CTNND2: variants seen among roughly 807,000 people sequenced by gnomAD.
The protein encoded by CTNND2 is catenin delta 2.
Under a neutral mutation model 144.4 loss-of-function variants are expected in CTNND2, and 22 were observed. The observed-to-expected ratio is 0.15, with a 90% CI of 0.11 to 0.22. The LOEUF is 0.22. Ranked by LOEUF, CTNND2 falls within the 10% of genes least tolerant of loss-of-function variation. The pLI is 1.00. For missense variants in CTNND2, 1,353 were observed against 1,618.8 expected, an observed-to-expected ratio of 0.84 and a Z score of 2.82; for synonymous variants, 751 against 695.6, an observed-to-expected ratio of 1.08 and a Z score of -1.25.
chr5:11,103,628 C>T (rs1752132117), intron 14 of CTNND2, among the ~76,000 whole-genome samples: 1 of 151,814 alleles, frequency 6.6e-6, no homozygotes, highest in African/African-American at 2.4e-5. Flanking sequence ...CAAGATGGCG[C>T]CATTGCACTC....
intron 1 of CTNND2, among the ~76,000 whole-genome samples, chr5:11,749,713 G>T (rs1367750127): frequency 6.6e-6 from 1 of 151,926 alleles, no homozygotes; most frequent in East Asian, 1.9e-4. Flanking sequence ...TATTGCTGAA[G>T]TTTAGGTTGA....
intron 8 of CTNND2, among the ~76,000 whole-genome samples, chr5:11,352,765 T>G (rs1328448292): frequency 6.6e-6 from 1 of 152,180 alleles, no homozygotes; most frequent in Non-Finnish European, 1.5e-5. Flanking sequence ...CAACAAATGA[T>G]TAACACAAAG....
At chr5:11,124,802 C>A (rs79519752) in intron 12 of CTNND2, among the ~76,000 whole-genome samples, 23,599 of 152,084 alleles carry the variant, frequency 0.16, 2,977 homozygotes, top group East Asian at 0.45. Flanking sequence ...TTTTTATATG[C>A]ACGTTATGCA....
Position 11,018,001 on chromosome 5 carries a change from G to A in CTNND2, c.3057C>T (p.Tyr1019=). Residue 1019 remains tyrosine (Y), a synonymous_variant, in exon 18 of 22, where the codon TAC becomes TAT. Coordinates refer to ENST00000304623, the MANE Select transcript of CTNND2 (RefSeq NM_001332.4). ...ASQVLNSMWQ[Y]RDLRSLYKKD... is the part of the protein sequence containing the mutation. ...TTTTGTAGAGACTCCTCAGATCTCG[G>A]TACTGCCACATGCTGTTGAGGACCT... 2 of 1,613,512 alleles carry A rather than the reference G, an allele frequency of 1.2e-6. No homozygotes were observed. The highest frequency in any genetic ancestry group is 1.7e-6 in the Non-Finnish European group (2 of 1,179,544).
At chr5:11,501,663 GTA>G (rs1407359759) in intron 3 of CTNND2, among the ~76,000 whole-genome samples, 1 of 152,112 alleles carries the variant, frequency 6.6e-6, no homozygotes, top group Non-Finnish European at 1.5e-5. Context: ...ACGCTGGGAG[GTA>G]ATTAGGTCAT....
At chr5:11,032,969 A>G (rs1393529973) in intron 16 of CTNND2, among the ~76,000 whole-genome samples, 1 of 152,190 alleles carries the variant, frequency 6.6e-6, no homozygotes, top group Non-Finnish European at 1.5e-5. Context: ...ATGTGATGAC[A>G]CTGTACACAT....
At chr5:11,320,042 A>G (rs1751880675) in intron 9 of CTNND2, among the ~76,000 whole-genome samples, 1 of 152,198 alleles carries the variant, frequency 6.6e-6, no homozygotes, top group African/African-American at 2.4e-5. Context: ...CACATTTGAA[A>G]TGGAAACGAC....
rs551419528 is a variant in CTNND2 at position 10,993,605 on chromosome 5, T to C, written c.3085-928A>G. On this transcript the variant is annotated intron_variant, in intron 18 of 21. Coordinates refer to ENST00000304623, the MANE Select transcript of CTNND2 (RefSeq NM_001332.4). ...TCAATTCTTTTAGATTTTTTATTTT[T>C]TTCCCCTGACAACATTTAGACTTTT... is the stretch of plus-strand genomic sequence containing the variant. Among the ~76,000 whole-genome samples the C allele has an allele frequency of 2.4e-3, 362 of 152,342 alleles. 3 individuals are homozygous for C. The highest frequency in any genetic ancestry group is 8.3e-3 in the African/African-American group (346 of 41,578).
chr5:11,412,805 A>T (rs1761647994), intron 3 of CTNND2, among the ~76,000 whole-genome samples: 1 of 152,144 alleles, frequency 6.6e-6, no homozygotes, highest in South Asian at 2.1e-4. Flanking sequence ...TATGTAAATA[A>T]TCGGTGAGAA....
intron 10 of CTNND2, among the ~76,000 whole-genome samples, chr5:11,209,916 T>C (rs558606818): frequency 6.6e-6 from 1 of 152,182 alleles, no homozygotes; most frequent in East Asian, 1.9e-4. Flanking sequence ...CGAGACTCTG[T>C]CTCAAACAAA....
chr5:11,142,774 C>T (rs1021593063), intron 12 of CTNND2, among the ~76,000 whole-genome samples: 9 of 151,882 alleles, frequency 5.9e-5, no homozygotes, highest in South Asian at 2.1e-4. Flanking sequence ...CCACCATGCC[C>T]GGCTAATTTT....
At chr5:11,499,361 C>T (rs1770317072) in intron 3 of CTNND2, among the ~76,000 whole-genome samples, 1 of 152,148 alleles carries the variant, frequency 6.6e-6, no homozygotes, top group African/African-American at 2.4e-5. Flanking sequence ...GCCCTACAGG[C>T]TTAGTGGCAG....
intron 1 of CTNND2, among the ~76,000 whole-genome samples, chr5:11,771,299 T>C (rs918173743): frequency 1.3e-5 from 2 of 151,856 alleles, no homozygotes; most frequent in Non-Finnish European, 2.9e-5. Flanking sequence ...AATTTTTGTA[T>C]TTTTAGCAGA....
At chr5:11,183,310 A>G (rs1352269936) in intron 11 of CTNND2, among the ~76,000 whole-genome samples, 1 of 152,208 alleles carries the variant, frequency 6.6e-6, no homozygotes, top group Admixed American at 6.5e-5. Flanking sequence ...TAATTTAACG[A>G]AGCCTTAGGA....
intron 12 of CTNND2, among the ~76,000 whole-genome samples, chr5:11,137,545 T>C (rs1317028126): frequency 3.3e-5 from 5 of 152,348 alleles, no homozygotes; most frequent in Admixed American, 6.5e-5. Flanking sequence ...CATGTAGTTG[T>C]AGATAAGCTC....
chr5:11,241,648 C>T (rs1221980502), intron 9 of CTNND2, among the ~76,000 whole-genome samples: 3 of 152,202 alleles, frequency 2.0e-5, no homozygotes, highest in African/African-American at 7.2e-5. Context: ...AATGATTTAT[C>T]TCCAAGGCTC....
chr5:11,043,187 T>G (rs1744865851), intron 16 of CTNND2, among the ~76,000 whole-genome samples: 1 of 152,162 alleles, frequency 6.6e-6, no homozygotes, highest in Admixed American at 6.5e-5. Flanking sequence ...CCAAAGATAC[T>G]TAAATGTATT....
At chr5:10,995,042 A>G (rs1386908290) in intron 18 of CTNND2, among the ~76,000 whole-genome samples, 1 of 152,134 alleles carries the variant, frequency 6.6e-6, no homozygotes, top group East Asian at 1.9e-4. Context: ...TGGAACTAGG[A>G]CTGCCTCATG....
intron 1 of CTNND2, among the ~76,000 whole-genome samples, chr5:11,818,362 T>C (rs1311974835): frequency 6.6e-6 from 1 of 151,996 alleles, no homozygotes; most frequent in Non-Finnish European, 1.5e-5. Flanking sequence ...GCCTGGCTCC[T>C]GTATATGCGT....
Sources: allele counts gnomAD v4.1 joint callset (sites outside exome capture counted in the v4.1 genomes callset), GRCh38; gene constraint gnomAD v4.1.1; transcripts MANE v1.5; gene names NCBI Gene and HGNC (gene_info 2026-07-23, HGNC 2026-07-21).